Variants in H6PD observed in about 807,000 individuals in gnomAD.
H6PD encodes GDH/6PGL endoplasmic bifunctional protein.
A neutral mutation model predicts 61.2 loss-of-function variants in H6PD; 48 were observed. That is an observed-to-expected ratio of 0.78 (90% CI 0.62 to 1.00). The LOEUF (loss-of-function observed/expected upper bound fraction) is 1.00. H6PD is among the 50% of genes least tolerant of loss of function. The pLI, the probability that H6PD is intolerant of heterozygous loss-of-function variation, is 0.00. For missense variants in H6PD, 1,093 were observed against 1,065.0 expected (o/e 1.03, Z -0.37); for synonymous variants, 480 against 457.9 (o/e 1.05, Z -0.62).
chr1:9,261,412 G>A (rs566391965), intron 3 of H6PD, among the ~76,000 whole-genome samples: 49 of 151,862 alleles, frequency 3.2e-4, no homozygotes, highest in African/African-American at 1.0e-3. Flanking sequence ...GGCTTTTTGC[G>A]AGGCTGGCTC....
At position 9,262,251 on chromosome 1, in the gene H6PD, A is replaced by G. The variant is rs1348905080; in HGVS notation, c.938A>G (p.Tyr313Cys). 1 of 1,612,632 alleles carries G rather than the reference A, an allele frequency of 6.2e-7. No homozygotes were observed. The highest frequency in any genetic ancestry group is 1.3e-5 in the African/African-American group (1 of 74,918). ...LQRGSAVVGQ[Y>C]QSYSEQVRRE... Reference sequence around the variant, plus strand: ...AGGGGCAGTGCCGTCGTGGGCCAGTACCAGTCTTACAGTGAGCAGGTGCGC... The same window carrying G: ...AGGGGCAGTGCCGTCGTGGGCCAGTGCCAGTCTTACAGTGAGCAGGTGCGC... The change falls in exon 4 of 5, where the codon TAC (tyrosine) becomes TGC (cysteine). Residue 313 changes from tyrosine to cysteine, a missense_variant. Coordinates refer to ENST00000377403, the MANE Select transcript of H6PD (RefSeq NM_004285.4).
chr1:9,238,650 A>G (rs915935436), intron 1 of H6PD, among the ~76,000 whole-genome samples: 2 of 152,232 alleles, frequency 1.3e-5, no homozygotes, highest in African/African-American at 2.4e-5. Flanking sequence ...TTGGAAGCAG[A>G]TTGGGAGAGA....
intron 1 of H6PD, chr1:9,242,877 C>T (rs1353263381): frequency 1.0e-6 from 1 of 985,310 alleles, no homozygotes; most frequent in East Asian, 1.1e-4. Flanking sequence ...CTCCTTCTCT[C>T]CAGACGAGCG....
At chr1:9,262,439 C>T (rs1638353259) in intron 4 of H6PD, 111 bp downstream of exon 4, 5 of 1,049,922 alleles carry the variant, frequency 4.8e-6, no homozygotes, top group Admixed American at 2.1e-5. Context: ...TGGGATTTCC[C>T]CCAGGGTGCT....
intron 3 of H6PD, among the ~76,000 whole-genome samples, chr1:9,261,482 T>A (rs1341122259): frequency 1.3e-5 from 2 of 152,194 alleles, no homozygotes; most frequent in Non-Finnish European, 2.9e-5. Flanking sequence ...TAATTTTGTT[T>A]ACTTCCTTTT....
intron 3 of H6PD, among the ~76,000 whole-genome samples, chr1:9,258,565 G>A (rs1472621940): frequency 2.0e-5 from 3 of 151,990 alleles, no homozygotes; most frequent in Non-Finnish European, 4.4e-5. Flanking sequence ...TGTTAAGCTG[G>A]TGTTATATTG....
Position 9,269,562 on chromosome 1 carries a change from CCAG to C in H6PD, c.*4696_*4698del, listed in dbSNP as rs1322633135. 1 of 152,262 alleles carries C rather than the reference CCAG, an allele frequency of 6.6e-6. No individual in the cohort carries two copies. The highest frequency in any genetic ancestry group is 2.4e-5 in the African/African-American group (1 of 41,462). The allele number at this position is 152,262 out of a possible 1,614,324, so 9.4% of individuals were successfully genotyped here. ...CCTGCTTTTACCTCTCGTCCACTGACCAGCAAGTGTGAGTCCCGGTGTCAGTCG... is the reference window on the plus strand; with the variant it reads ...CCTGCTTTTACCTCTCGTCCACTGACCAAGTGTGAGTCCCGGTGTCAGTCG... On this transcript the variant is annotated 3_prime_UTR_variant, in exon 5 of 5. Transcript: ENST00000377403. The surrounding 1 kb of genome is among the most constrained non-coding windows in gnomAD (Gnocchi z 4.3).
At chr1:9,241,046 G>C (rs1036162838) in intron 1 of H6PD, among the ~76,000 whole-genome samples, 3 of 152,164 alleles carry the variant, frequency 2.0e-5, no homozygotes, top group African/African-American at 7.2e-5. Context: ...CAGACTAGTC[G>C]GGAGTGTTGA....
chr1:9,238,896 CGTT>C (rs962200747), intron 1 of H6PD, among the ~76,000 whole-genome samples: 3 of 152,198 alleles, frequency 2.0e-5, no homozygotes, highest in East Asian at 3.9e-4. Flanking sequence ...AATATTCTGA[CGTT>C]GGCCAACTTC....
intron 1 of H6PD, chr1:9,242,780 C>G: frequency 1.0e-6 from 1 of 985,484 alleles, no homozygotes; most frequent in Non-Finnish European, 1.2e-6. Context: ...GAAGCGCAGC[C>G]TGCCAGCTGG....
rs965265902 is a variant in H6PD at position 9,254,691 on chromosome 1, A to G, written c.746-7368A>G. On this transcript the variant is annotated intron_variant, in intron 3 of 4. Coordinates refer to ENST00000377403, the MANE Select transcript of H6PD (RefSeq NM_004285.4). This position sits in a 1 kb window ranked among gnomAD's most constrained non-coding sequence, Gnocchi z 4.6. Reference sequence around the variant, plus strand: ...GCTTCCCTGTTCTAAAACCTTTTTTAAAAAGTTTTATTGAGCTGTAACTCA... The same window carrying G: ...GCTTCCCTGTTCTAAAACCTTTTTTGAAAAGTTTTATTGAGCTGTAACTCA... 4.6e-5 allele frequency among the ~76,000 whole-genome samples: 7 copies of G among 152,194 alleles called. No individual in the cohort carries two copies. Among genetic ancestry groups the G allele is most frequent in the African/African-American group, 1.4e-4 (6 of 41,446 alleles).
At chr1:9,244,330 G>C (rs920011913) in intron 1 of H6PD, among the ~76,000 whole-genome samples, 9 of 152,330 alleles carry the variant, frequency 5.9e-5, no homozygotes, top group Middle Eastern at 6.8e-3. Flanking sequence ...AAATAATTGT[G>C]CACTTACTAA....
At chr1:9,237,908 G>T (rs940975195) in intron 1 of H6PD, among the ~76,000 whole-genome samples, 1 of 152,148 alleles carries the variant, frequency 6.6e-6, no homozygotes, top group African/African-American at 2.4e-5. Context: ...GATACTGGAG[G>T]TACTGCGGAG....
intron 3 of H6PD, among the ~76,000 whole-genome samples, chr1:9,258,876 T>C (rs1357276000): frequency 6.6e-6 from 1 of 152,178 alleles, no homozygotes; most frequent in Admixed American, 6.5e-5. Context: ...TATGTTGTTG[T>C]TACGCTGGTG....
chr1:9,256,517 C>G (rs1260463893), intron 3 of H6PD, among the ~76,000 whole-genome samples: 1 of 152,180 alleles, frequency 6.6e-6, no homozygotes, highest in Non-Finnish European at 1.5e-5. Flanking sequence ...CCTGGACATG[C>G]TTGCTGTCTG....
chr1:9,246,920 A>C, intron 2 of H6PD, 46 bp from the exon 3 acceptor site: 1 of 1,348,576 alleles, frequency 7.4e-7, no homozygotes, highest in Non-Finnish European at 1.1e-6. Flanking sequence ...TTCCTCCTTC[A>C]TCGTGAGAGT....
chr1:9,237,225 A>G (rs1472150641), intron 1 of H6PD, among the ~76,000 whole-genome samples: 1 of 72,504 alleles, frequency 1.4e-5, no homozygotes, highest in Non-Finnish European at 3.0e-5. Context: ...TTGGTAAGTT[A>G]TTTGACTTCT....
rs1324630805 is a variant in H6PD at position 9,245,447 on chromosome 1, C to T, written c.513C>T (p.Val171=). 1 of 1,614,016 alleles carries T rather than the reference C, an allele frequency of 6.2e-7. No homozygotes were observed. Among genetic ancestry groups the T allele is most frequent in the Non-Finnish European group, 8.5e-7 (1 of 1,180,030 alleles). The change falls in exon 2 of 5, where the codon GTC becomes GTT. Residue 171 remains valine, a synonymous_variant. Coordinates refer to ENST00000377403, the MANE Select transcript of H6PD (RefSeq NM_004285.4). The surrounding 1 kb of genome is among the most constrained non-coding windows in gnomAD (Gnocchi z 4.8). Reference sequence around the variant, plus strand: ...GCCCGGGCGCCTGGCTGCGGGTTGTCCTTGAGAAACCCTTTGGCCATGACC... The same window carrying T: ...GCCCGGGCGCCTGGCTGCGGGTTGTTCTTGAGAAACCCTTTGGCCATGACC... ...RPGPGAWLRV[V]LEKPFGHDHF...
In H6PD at chr1:9,254,508, C is replaced by T. The variant is rs1169565338; in HGVS notation, c.745+7425C>T. Among the ~76,000 whole-genome samples the T allele has an allele frequency of 6.6e-6, 1 of 152,206 alleles. No individual in the cohort carries two copies. Among genetic ancestry groups the T allele is most frequent in the African/African-American group, 2.4e-5 (1 of 41,460 alleles). On this transcript the variant is annotated intron_variant, in intron 3 of 4. Transcript: ENST00000377403. This position sits in a 1 kb window ranked among gnomAD's most constrained non-coding sequence, Gnocchi z 4.6. ...TTGTATTCATCTGCTATAATAACTT[C>T]TTTGCAGTTCACTGTGACTTCGTTC...
Sources: allele counts gnomAD v4.1 joint callset (sites outside exome capture counted in the v4.1 genomes callset), GRCh38; gene constraint gnomAD v4.1.1; non-coding constraint Gnocchi (gnomAD v3.1); transcripts MANE v1.5; gene names NCBI Gene and HGNC (gene_info 2026-07-23, HGNC 2026-07-21).